The following ESRRB variants were observed in gnomAD, a reference collection of about 807,000 sequenced individuals.
ESRRB encodes the protein estrogen related receptor beta, also known as steroid hormone receptor ERR2.
Under a neutral mutation model 46.0 loss-of-function variants are expected in ESRRB, and 16 were observed. That is an observed-to-expected ratio of 0.35 (90% CI 0.24 to 0.53). ESRRB has a LOEUF of 0.53. Ranked by LOEUF, ESRRB falls within the 20% of genes least tolerant of loss-of-function variation. The probability of loss-of-function intolerance (pLI) is 0.93; values close to 1 mark genes in which losing one functional copy is unlikely to be tolerated. For missense variants in ESRRB, 488 were observed against 607.4 expected, an observed-to-expected ratio of 0.80 and a Z score of 2.07; for synonymous variants, 246 against 259.6, an observed-to-expected ratio of 0.95 and a Z score of 0.50.
chr14:76,493,176 A>G (rs8022404), intron 6 of ESRRB, among the ~76,000 whole-genome samples: 103,232 of 151,804 alleles, frequency 0.68, 36,142 homozygotes, highest in Admixed American at 0.79. Context: ...TTTTTTTGAG[A>G]CAGAGTCTCA....
At chr14:76,462,759 C>T in intron 3 of ESRRB, 98 bp downstream of exon 3, 3 of 931,020 alleles carry the variant, frequency 3.2e-6, no homozygotes, top group East Asian at 2.4e-5. Flanking sequence ...ACCTGTGTCC[C>T]AGGGTGAGAC....
intron 6 of ESRRB, among the ~76,000 whole-genome samples, chr14:76,496,712 G>A (rs1890444725): frequency 2.0e-5 from 3 of 152,172 alleles, no homozygotes; most frequent in Non-Finnish European, 4.4e-5. Flanking sequence ...GGGCGACCAT[G>A]GGTGCCACTG....
At chr14:76,407,323 A>T (rs940932355) in intron 1 of ESRRB, 2 of 153,266 alleles carry the variant, frequency 1.3e-5, no homozygotes, top group African/African-American at 4.8e-5. Flanking sequence ...CTTTTTAGTC[A>T]TTTTGCTGAG....
At position 76,332,751 on chromosome 14, in the gene ESRRB, TTA is replaced by T. The variant is rs372081995; in HGVS notation, c.2+21842_2+21843del. Among the ~76,000 whole-genome samples the T allele has an allele frequency of 1.3e-3, 18 of 13,512 alleles. No individual in the cohort carries two copies. The South Asian group carries it at 0.023, about 17-fold the overall frequency. 8.9% of individuals were successfully genotyped at this position (13,512 alleles called of 152,430 possible). On this transcript the variant is annotated intron_variant, in intron 1 of 6. Coordinates refer to the ESRRB transcript ENST00000512784. ...TATTTATATATTATATATTTATATATTATATATAAATATATAATATATATTAT... is the reference window on the plus strand; with the variant it reads ...TATTTATATATTATATATTTATATATTATATAAATATATAATATATATTAT...
rs1884792767 is a variant in ESRRB at position 76,376,970 on chromosome 14, C to T, written c.50+519C>T. On this transcript the variant is annotated intron_variant, in intron 1 of 6. Coordinates refer to ENST00000644823, the MANE Select transcript of ESRRB (RefSeq NM_001379180.1). This position sits in a 1 kb window ranked among gnomAD's most constrained non-coding sequence, Gnocchi z 4.1. ...GAAACTGCAGGCGGCCAGTGCCGCT[C>T]TCGCCTCGCGGTCTCCGTGGGGCGC... 6.6e-6 allele frequency among the ~76,000 whole-genome samples: 1 copy of T among 152,230 alleles called. No homozygotes were observed. The highest frequency in any genetic ancestry group is 2.4e-5 in the African/African-American group (1 of 41,466).
At chr14:76,371,009 G>A (rs1322247885), upstream of ESRRB, among the ~76,000 whole-genome samples, 1 of 152,172 alleles carries the variant, frequency 6.6e-6, no homozygotes, top group Non-Finnish European at 1.5e-5. Context: ...ATAACGAAAT[G>A]GATGACGCCA....
intron 1 of ESRRB, among the ~76,000 whole-genome samples, chr14:76,389,551 T>G (rs1462544976): frequency 1.3e-5 from 2 of 152,212 alleles, no homozygotes; most frequent in African/African-American, 4.8e-5. Flanking sequence ...ATTTTTGCCC[T>G]GGTTGAGCCA....
chr14:76,497,078 G>T lies in ESRRB; in HGVS notation c.1121-1136G>T, dbSNP rs114883180. Among the ~76,000 whole-genome samples, 872 of 152,244 alleles carry T rather than the reference G, an allele frequency of 5.7e-3. 7 individuals carry two copies. Among genetic ancestry groups the T allele is most frequent in the African/African-American group, 0.019 (795 of 41,528 alleles). ...AGTCGGGGGAGGATGGAGAGGGCGG[G>T]GAGAGGGAGCTGGCAGGAGTCAGGA... On this transcript the variant is annotated intron_variant, in intron 6 of 6. Coordinates refer to ENST00000644823, the MANE Select transcript of ESRRB (RefSeq NM_001379180.1).
chr14:76,388,128 A>C (rs922513304), intron 1 of ESRRB, among the ~76,000 whole-genome samples: 3 of 146,974 alleles, frequency 2.0e-5, no homozygotes, highest in Non-Finnish European at 3.0e-5. Flanking sequence ...CCTCACCCCG[A>C]TGTTATGTGT....
intron 2 of ESRRB, among the ~76,000 whole-genome samples, chr14:76,442,816 C>CTTTTTTTTTTTTT (rs1245748328): frequency 4.6e-5 from 6 of 131,082 alleles, no homozygotes; most frequent in Admixed American, 1.6e-4. Flanking sequence ...TCTTTTTTTT[C>CTTTTTTTTTTTTT]TTTTTTTTTT....
intron 3 of ESRRB, among the ~76,000 whole-genome samples, chr14:76,464,440 A>G (rs11628475): frequency 3.9e-5 from 6 of 152,130 alleles, no homozygotes; most frequent in Non-Finnish European, 8.8e-5. Flanking sequence ...CAGGTCCCCC[A>G]CTTCACCTCA....
At chr14:76,466,367 G>C (rs1250143175) in intron 3 of ESRRB, among the ~76,000 whole-genome samples, 1 of 152,080 alleles carries the variant, frequency 6.6e-6, no homozygotes, top group Non-Finnish European at 1.5e-5. Context: ...CCCAGTTTGG[G>C]GGCCCAGCAA....
chr14:76,388,288 C>T (rs1885326047), intron 1 of ESRRB, among the ~76,000 whole-genome samples: 1 of 150,940 alleles, frequency 6.6e-6, no homozygotes, highest in Non-Finnish European at 1.5e-5. Context: ...ACGCCGTTCT[C>T]CTGCCTCGGC....
intron 1 of ESRRB, among the ~76,000 whole-genome samples, chr14:76,437,068 G>A (rs1293698881): frequency 6.6e-6 from 1 of 152,128 alleles, no homozygotes; most frequent in Non-Finnish European, 1.5e-5. Flanking sequence ...GTCTTGCTCT[G>A]TCTCCCGGGC....
chr14:76,353,610 C>T (rs1884339997), intron 1 of ESRRB, among the ~76,000 whole-genome samples: 2 of 152,108 alleles, frequency 1.3e-5, no homozygotes, highest in Admixed American at 6.5e-5. Flanking sequence ...TACAGGAGAG[C>T]CTATGAGGAA....
chr14:76,388,267 C>G (rs1885324855), intron 1 of ESRRB, among the ~76,000 whole-genome samples: 2 of 151,112 alleles, frequency 1.3e-5, no homozygotes, highest in African/African-American at 4.9e-5. Flanking sequence ...CGCGCTCTGC[C>G]TCCCAGGTTC....
At chr14:76,480,386 G>A (rs1401742806) in intron 3 of ESRRB, among the ~76,000 whole-genome samples, 2 of 152,178 alleles carry the variant, frequency 1.3e-5, no homozygotes, top group African/African-American at 4.8e-5. Context: ...CAGAGGGGTG[G>A]GGGGTAGTGT....
At chr14:76,404,856 A>G (rs1886108226) in intron 1 of ESRRB, among the ~76,000 whole-genome samples, 1 of 152,158 alleles carries the variant, frequency 6.6e-6, no homozygotes, top group Admixed American at 6.6e-5. Context: ...GCAGTAAACT[A>G]TCTCTAATGG....
intron 1 of ESRRB, among the ~76,000 whole-genome samples, chr14:76,399,160 A>T (rs1304254273): frequency 1.3e-5 from 2 of 152,022 alleles, no homozygotes; most frequent in African/African-American, 4.8e-5. Context: ...CTGTGTGATG[A>T]GGGAGACGGG....
Sources: gnomAD v4.1 joint callset for allele counts (sites outside exome capture counted in the v4.1 genomes callset) on GRCh38, gnomAD v4.1.1 for gene constraint, Gnocchi (gnomAD v3.1) non-coding constraint, MANE v1.5 for transcripts, NCBI Gene and HGNC (gene_info 2026-07-23, HGNC 2026-07-21) for gene names.